Variants in ST13 observed in about 807,000 individuals in gnomAD.
ST13 encodes ST13 Hsp70 interacting protein.
ST13 carries 23 observed loss-of-function variants against 56.7 expected under a neutral mutation model. The ratio of observed to expected loss-of-function variants is 0.41; its 90% CI spans 0.29 to 0.57. The LOEUF is 0.57. Ranked by LOEUF, ST13 falls within the 20% of genes least tolerant of loss-of-function variation. The pLI is 0.36. For synonymous variants in ST13, 132 were observed against 142.4 expected (o/e 0.93, Z 0.52); for missense variants, 369 against 459.9 (o/e 0.80, Z 1.81).
intron 3 of ST13, among the ~76,000 whole-genome samples, chr22:40,845,257 C>A (rs1203315677): frequency 6.6e-6 from 1 of 152,084 alleles, no homozygotes; most frequent in Non-Finnish European, 1.5e-5. Flanking sequence ...CACTGATGTA[C>A]TATGTTTTTC....
At chr22:40,827,957 A>T (rs2057736550) in intron 10 of ST13, among the ~76,000 whole-genome samples, 1 of 152,188 alleles carries the variant, frequency 6.6e-6, no homozygotes, top group Admixed American at 6.5e-5. Flanking sequence ...CCATTCTTGA[A>T]TATTTGTCTG....
intron 7 of ST13, among the ~76,000 whole-genome samples, chr22:40,833,397 A>C (rs560560050): frequency 1.8e-4 from 27 of 151,578 alleles, no homozygotes; most frequent in Non-Finnish European, 3.5e-4. Context: ...GTGAAACCCC[A>C]TCTCTACTAA....
In ST13 at chr22:40,842,929, A is replaced by AT. The variant is rs928259170; in HGVS notation, c.315+1909dup. ...CACTCTGGAAGGCCAGGAGTTTGAG[A>AT]TTTTGTCTCTACTAAGAATTTTTAA... On this transcript the variant is annotated intron_variant, in intron 4 of 11. Transcript: ENST00000216218. 2.6e-5 allele frequency among the ~76,000 whole-genome samples: 4 copies of AT among 152,164 alleles called. 1 individual carries two copies. Among genetic ancestry groups the AT allele is most frequent in the African/African-American group, 9.7e-5 (4 of 41,434 alleles).
intron 4 of ST13, 78 bp from the exon 5 acceptor site, chr22:40,840,770 G>A: frequency 8.1e-7 from 1 of 1,230,038 alleles, no homozygotes; most frequent in African/African-American, 1.5e-5. Flanking sequence ...TTAGGGATGA[G>A]GCGCAGTCAC....
In ST13 at chr22:40,835,655, T is replaced by C; in HGVS notation, c.483A>G (p.Leu161=). 1 of 1,613,948 alleles carries C rather than the reference T, an allele frequency of 6.2e-7. No homozygotes were observed. The highest frequency in any genetic ancestry group is 1.7e-4 in the Middle Eastern group (1 of 5,992). The change falls in exon 7 of 12, where the codon TTA becomes TTG. Residue 161 remains leucine, a synonymous_variant. Transcript: ENST00000216218. ...YAKRASVFVK[L]QKPNAAIRDC... ...CTCGGATGGCAGCATTTGGCTTCTG[T>C]AATTTGACGAAGACACTGAAAAATA...
At chr22:40,856,259 T>C (rs2057894175) in intron 1 of ST13, among the ~76,000 whole-genome samples, 172 bp downstream of exon 1, 2 of 152,060 alleles carry the variant, frequency 1.3e-5, no homozygotes, top group South Asian at 2.1e-4. Flanking sequence ...CCGCGGCTCC[T>C]GTACTACCCA....
chr22:40,848,507 G>T (rs1255913379), intron 2 of ST13, 138 bp from the exon 3 acceptor site: 1 of 660,320 alleles, frequency 1.5e-6, no homozygotes, highest in Non-Finnish European at 2.7e-6. Flanking sequence ...AGCACTTTGG[G>T]AGGCTGGGGT....
intron 1 of ST13, among the ~76,000 whole-genome samples, chr22:40,852,127 G>A (rs1192894498): frequency 6.6e-6 from 1 of 152,164 alleles, no homozygotes; most frequent in South Asian, 2.1e-4. Context: ...GTATGTGCAG[G>A]CTGAATTTAA....
chr22:40,851,864 G>A (rs1299536901), intron 1 of ST13, among the ~76,000 whole-genome samples: 1 of 151,686 alleles, frequency 6.6e-6, no homozygotes, highest in Admixed American at 6.6e-5. Context: ...TCCTGCCTCA[G>A]CCTCCCAAGT....
At chr22:40,831,025 T>C (rs2057751471) in intron 8 of ST13, 69 bp from the exon 9 acceptor site, 1 of 969,678 alleles carries the variant, frequency 1.0e-6, no homozygotes, top group East Asian at 2.4e-5. Context: ...AAATATTCTT[T>C]GTAGAGAGAT....
chr22:40,831,447 A>G (rs534545529), intron 8 of ST13, among the ~76,000 whole-genome samples: 1 of 152,338 alleles, frequency 6.6e-6, no homozygotes, highest in African/African-American at 2.4e-5. Flanking sequence ...TCAAATTGCT[A>G]TAGGGATTAA....
At chr22:40,841,312 G>T (rs966816576) in intron 4 of ST13, among the ~76,000 whole-genome samples, 1 of 151,978 alleles carries the variant, frequency 6.6e-6, no homozygotes, top group Admixed American at 6.6e-5. Context: ...CAAGGCTGTA[G>T]TGAGTCTTGA....
At chr22:40,841,204 A>G (rs1442910568) in intron 4 of ST13, among the ~76,000 whole-genome samples, 3 of 105,712 alleles carry the variant, frequency 2.8e-5, no homozygotes, top group East Asian at 2.2e-4. Flanking sequence ...CAAAAAAAAG[A>G]AAAAAAAAAA....
chr22:40,830,655 T>C (rs1249291987), intron 9 of ST13, among the ~76,000 whole-genome samples, 185 bp downstream of exon 9: 1 of 152,092 alleles, frequency 6.6e-6, no homozygotes, highest in Non-Finnish European at 1.5e-5. Context: ...CACTGAATAA[T>C]TTAAGACTAA....
At chr22:40,854,800 G>T (rs1373552802) in intron 1 of ST13, among the ~76,000 whole-genome samples, 1 of 152,156 alleles carries the variant, frequency 6.6e-6, no homozygotes, top group African/African-American at 2.4e-5. Flanking sequence ...TAGGATAAAA[G>T]CATACAAATA....
At chr22:40,836,048 C>G (rs2057775752) in intron 5 of ST13, 161 bp from the exon 6 acceptor site, 3 of 588,294 alleles carry the variant, frequency 5.1e-6, no homozygotes, top group Non-Finnish European at 8.8e-6. Context: ...GAAAGCAAAT[C>G]TTACCACACC....
At chr22:40,836,657 T>A (rs2057779034) in intron 5 of ST13, among the ~76,000 whole-genome samples, 2 of 152,270 alleles carry the variant, frequency 1.3e-5, no homozygotes, top group South Asian at 4.1e-4. Flanking sequence ...AAAGAAATGG[T>A]ACAAAAATTC....
chr22:40,847,651 T>C (rs1330673207), intron 3 of ST13, among the ~76,000 whole-genome samples: 1 of 152,174 alleles, frequency 6.6e-6, no homozygotes, highest in Non-Finnish European at 1.5e-5. Context: ...TGAAGTCTGA[T>C]TTATTATCAA....
chr22:40,847,144 T>C (rs984018606), intron 3 of ST13, among the ~76,000 whole-genome samples: 4 of 152,182 alleles, frequency 2.6e-5, no homozygotes, highest in African/African-American at 7.2e-5. Context: ...ACCAAACTCA[T>C]AGCACAGATA....
Sources: gnomAD v4.1 joint callset for allele counts (sites outside exome capture counted in the v4.1 genomes callset) on GRCh38, gnomAD v4.1.1 for gene constraint, MANE v1.5 for transcripts, NCBI Gene and HGNC (gene_info 2026-07-23, HGNC 2026-07-21) for gene names.